Variants in TBC1D1 observed in about 807,000 individuals in gnomAD.
The protein encoded by TBC1D1 is TBC1 (tre-2/USP6, BUB2, cdc16) domain family, member 1.
Under a neutral mutation model 125.6 loss-of-function variants are expected in TBC1D1, and 89 were observed. That is an observed-to-expected ratio of 0.71 (90% CI 0.60 to 0.85). TBC1D1 has a LOEUF of 0.85. Ranked by LOEUF, TBC1D1 falls within the 40% of genes least tolerant of loss-of-function variation. TBC1D1 has a pLI of 0.00. For missense variants in TBC1D1, 1,377 were observed against 1,469.2 expected (o/e 0.94, Z 1.03); for synonymous variants, 565 against 564.1 (o/e 1.00, Z -0.02).
chr4:38,024,912 C>CA (rs564560413), intron 6 of TBC1D1, among the ~76,000 whole-genome samples: 135 of 152,276 alleles, frequency 8.9e-4, no homozygotes, highest in African/African-American at 3.2e-3. Flanking sequence ...AGTCATCCCC[C>CA]AGAATCTATA....
chr4:37,897,745 C>T (rs941495475), intron 1 of TBC1D1, among the ~76,000 whole-genome samples: 1 of 152,172 alleles, frequency 6.6e-6, no homozygotes, highest in African/African-American at 2.4e-5. Flanking sequence ...TCTAGTACTT[C>T]TTTAAACATG....
chr4:38,089,025 C>G (rs2152537456), intron 12 of TBC1D1, among the ~76,000 whole-genome samples: 1 of 152,238 alleles, frequency 6.6e-6, no homozygotes, highest in Admixed American at 6.5e-5. Flanking sequence ...TTAATTTATT[C>G]ATTTGTCTGA....
At chr4:38,105,827 T>C (rs1367154929) in intron 15 of TBC1D1, among the ~76,000 whole-genome samples, 2 of 152,244 alleles carry the variant, frequency 1.3e-5, no homozygotes, top group Non-Finnish European at 2.9e-5. Context: ...ATTTTCTTTA[T>C]CCGGTTCACT....
In TBC1D1 at chr4:38,063,648, A is replaced by AGACG. The variant is rs1753163503; in HGVS notation, c.2050+9313_2050+9316dup. Reference sequence around the variant, plus strand: ...AATTTTTTTTATTTTTTATTTTTTGAGACGGAGTATTGCTCTGTCGCCCAG... The same window carrying AGACG: ...AATTTTTTTTATTTTTTATTTTTTGAGACGGACGGAGTATTGCTCTGTCGCCCAG... On this transcript the variant is annotated intron_variant, in intron 12 of 19. Coordinates refer to ENST00000261439, the MANE Select transcript of TBC1D1 (RefSeq NM_015173.4). Among the ~76,000 whole-genome samples the AGACG allele has an allele frequency of 2.7e-5, 4 of 149,656 alleles. No individual in the cohort carries two copies. The South Asian group carries it at 8.4e-4, about 31-fold the overall frequency.
chr4:38,025,490 C>T (rs1263041546), intron 6 of TBC1D1, among the ~76,000 whole-genome samples: 1 of 152,204 alleles, frequency 6.6e-6, no homozygotes. Context: ...ATTAGGCATC[C>T]TGCAGACAGG....
intron 15 of TBC1D1, among the ~76,000 whole-genome samples, chr4:38,112,993 T>C (rs1463239746): frequency 6.6e-6 from 1 of 152,162 alleles, no homozygotes; most frequent in Non-Finnish European, 1.5e-5. Context: ...TAAAGGTCAT[T>C]GGTTTGGCAA....
chr4:37,904,236 T>C (rs976765085), intron 2 of TBC1D1, among the ~76,000 whole-genome samples: 1 of 150,052 alleles, frequency 6.7e-6, no homozygotes, highest in Non-Finnish European at 1.5e-5. Context: ...AGGCAGATTA[T>C]ATGCTAATTT....
At chr4:38,023,870 T>G (rs1744563069) in intron 6 of TBC1D1, among the ~76,000 whole-genome samples, 1 of 152,216 alleles carries the variant, frequency 6.6e-6, no homozygotes. Flanking sequence ...AATTTTATGT[T>G]TAATTTTTTT....
intron 7 of TBC1D1, among the ~76,000 whole-genome samples, chr4:38,032,310 T>C (rs6531604): frequency 0.57 from 87,073 of 151,856 alleles, 26,087 homozygotes; most frequent in African/African-American, 0.76. Context: ...TAGAGCGAGA[T>C]GCTGTCTCCC....
chr4:37,895,341 G>A lies in TBC1D1; in HGVS notation c.-94+3993G>A, dbSNP rs377325949. Among the ~76,000 whole-genome samples, 5 of 152,252 alleles carry A rather than the reference G, an allele frequency of 3.3e-5. No homozygotes were observed. The East Asian group carries it at 9.6e-4, about 29-fold the overall frequency. ...TCTCTGAGGGCCAGCTAGGACACTC[G>A]CCCATTTCCCACCCTTTTTCCTGTG... On this transcript the variant is annotated intron_variant, in intron 1 of 19. Transcript: ENST00000261439.
chr4:38,044,347 T>C lies in TBC1D1; in HGVS notation c.1414-15T>C. The C allele has an allele frequency of 6.3e-7, 1 of 1,591,018 alleles. No individual in the cohort carries two copies. Among genetic ancestry groups the C allele is most frequent in the Non-Finnish European group, 8.5e-7 (1 of 1,173,600 alleles). ...AAGGGAGCGATAAATGACTTTTCGT[T>C]TTTCACTTTTTTAGACATCGCAGAT... On this transcript the variant is annotated splice_polypyrimidine_tract_variant and intron_variant, in intron 8 of 19. Transcript: ENST00000261439.
chr4:37,976,778 ACAT>A (rs370233755), intron 2 of TBC1D1, among the ~76,000 whole-genome samples: 98 of 152,356 alleles, frequency 6.4e-4, no homozygotes, highest in African/African-American at 2.2e-3. Context: ...GGTGAAATCA[ACAT>A]TTCTCAAGTT....
At chr4:38,054,612 G>C (rs937708782) in intron 12 of TBC1D1, among the ~76,000 whole-genome samples, 10 of 152,212 alleles carry the variant, frequency 6.6e-5, no homozygotes, top group Non-Finnish European at 1.5e-4. Flanking sequence ...AATCCAGACA[G>C]GTCTGCGGCA....
rs1742087258 is a variant in TBC1D1 at position 38,014,082 on chromosome 4, G to A, written c.418-427G>A. 6.6e-6 allele frequency among the ~76,000 whole-genome samples: 1 copy of A among 152,170 alleles called. No homozygotes were observed. Among genetic ancestry groups the A allele is most frequent in the Non-Finnish European group, 1.5e-5 (1 of 68,036 alleles). Reference sequence around the variant, plus strand: ...ATCTAGAATAATTGAGTCATGTTTTGTGAACCACGTTGGAGACAGACTTCT... The same window carrying A: ...ATCTAGAATAATTGAGTCATGTTTTATGAACCACGTTGGAGACAGACTTCT... On this transcript the variant is annotated intron_variant, in intron 2 of 19. Transcript: ENST00000261439. The surrounding 1 kb of genome is among the most constrained non-coding windows in gnomAD (Gnocchi z 5.1).
In TBC1D1 at chr4:37,977,431, C is replaced by A; in HGVS notation, c.418-37078C>A. Reference sequence around the variant, plus strand: ...CTCCCCAAGCCCGCCCCCGGCCGCCCGCGGGCCCACGGGCCGGCGGCGGGA... The same window carrying A: ...CTCCCCAAGCCCGCCCCCGGCCGCCAGCGGGCCCACGGGCCGGCGGCGGGA... On this transcript the variant is annotated intron_variant, in intron 2 of 19. Coordinates refer to ENST00000261439, the MANE Select transcript of TBC1D1 (RefSeq NM_015173.4). The surrounding 1 kb of genome is among the most constrained non-coding windows in gnomAD (Gnocchi z 4.3). The A allele has an allele frequency of 1.0e-6, 1 of 966,422 alleles. No homozygotes were observed. The highest frequency in any genetic ancestry group is 1.2e-6 in the Non-Finnish European group (1 of 812,780). 59.9% of individuals were successfully genotyped at this position (966,422 alleles called of 1,614,324 possible).
chr4:37,939,053 G>T (rs979765256), intron 2 of TBC1D1, among the ~76,000 whole-genome samples: 1 of 152,222 alleles, frequency 6.6e-6, no homozygotes, highest in African/African-American at 2.4e-5. Flanking sequence ...TAATGGGATG[G>T]CTGGGTCAAA....
chr4:38,025,081 A>C (rs1744807576), intron 6 of TBC1D1, among the ~76,000 whole-genome samples: 1 of 152,148 alleles, frequency 6.6e-6, no homozygotes, highest in Non-Finnish European at 1.5e-5. Context: ...GCATTCATTA[A>C]AAAAAATAGT....
At chr4:37,894,399 C>T (rs1321864355) in intron 1 of TBC1D1, among the ~76,000 whole-genome samples, 1 of 152,028 alleles carries the variant, frequency 6.6e-6, no homozygotes, top group Non-Finnish European at 1.5e-5. Context: ...ATATTTGGGC[C>T]AACTGAAAAA....
intron 12 of TBC1D1, among the ~76,000 whole-genome samples, chr4:38,089,246 C>T (rs1758033359): frequency 6.6e-6 from 1 of 152,198 alleles, no homozygotes; most frequent in South Asian, 2.1e-4. Context: ...GCCTTCTGGA[C>T]TTGTCATCAG....
Sources: gnomAD v4.1 joint callset for allele counts (sites outside exome capture counted in the v4.1 genomes callset) on GRCh38, gnomAD v4.1.1 for gene constraint, Gnocchi (gnomAD v3.1) non-coding constraint, MANE v1.5 for transcripts, NCBI Gene and HGNC (gene_info 2026-07-23, HGNC 2026-07-21) for gene names.